GCC2: variants seen among roughly 807,000 people sequenced by gnomAD.
GCC2 encodes the protein GRIP and coiled-coil domain-containing protein 2.
A neutral mutation model predicts 210.6 loss-of-function variants in GCC2; 120 were observed. The ratio of observed to expected loss-of-function variants is 0.57; its 90% CI spans 0.49 to 0.66. The LOEUF (loss-of-function observed/expected upper bound fraction) is 0.66. GCC2 is among the 30% of genes least tolerant of loss of function. The pLI is 0.00. For synonymous variants in GCC2, 703 were observed against 652.7 expected, an observed-to-expected ratio of 1.08 and a Z score of -1.17; for missense variants, 1,868 against 1,871.9, an observed-to-expected ratio of 1.00 and a Z score of 0.04.
At chr2:108,484,386 G>A (rs1185444822) in intron 13 of GCC2, 75 bp downstream of exon 13, 2 of 811,080 alleles carry the variant, frequency 2.5e-6, no homozygotes, top group Non-Finnish European at 3.8e-6. Context: ...GGCATTACTT[G>A]TTTATTTCAC....
Position 108,449,875 on chromosome 2 carries a change from A to C in GCC2, c.63+186A>C. The C allele has an allele frequency of 7.9e-6, 4 of 508,676 alleles. No homozygotes were observed. The South Asian group carries it at 9.3e-5, about 12-fold the overall frequency. 31.5% of individuals were successfully genotyped at this position (508,676 alleles called of 1,614,324 possible). ...CTCCCCCGCCCACCCCGATATAGAAAGACTTTTTGTTTGCTTCCTGCTCCT... is the reference window on the plus strand; with the variant it reads ...CTCCCCCGCCCACCCCGATATAGAACGACTTTTTGTTTGCTTCCTGCTCCT... On this transcript the variant is annotated intron_variant, in intron 2 of 22. Transcript: ENST00000309863.
At chr2:108,506,721 A>G (rs1016391122) in intron 22 of GCC2, among the ~76,000 whole-genome samples, 1 of 151,848 alleles carries the variant, frequency 6.6e-6, no homozygotes, top group Non-Finnish European at 1.5e-5. Context: ...TTTTAAAAGA[A>G]TTTTTTTTTA....
chr2:108,466,263 G>C (rs2577608), intron 4 of GCC2, among the ~76,000 whole-genome samples: 29,455 of 151,844 alleles, frequency 0.19, 3,187 homozygotes, highest in African/African-American at 0.27. Flanking sequence ...ACACAGTCTT[G>C]ATCTCCTGAC....
chr2:108,471,067 A>G lies in GCC2; in HGVS notation c.1738A>G (p.Thr580Ala), dbSNP rs771216512. Residue 580 changes from threonine to alanine, a missense_variant, in exon 6 of 23, where the codon ACC (threonine) becomes GCC (alanine). Thr to Ala is a moderately conservative substitution (Grantham distance 58, BLOSUM62 0). This residue lies in a region of GCC2 where 1,847 missense variants were observed against 1,765.2 expected (regional missense o/e 1.05). Transcript: ENST00000309863. The part of the protein sequence containing the change: ...VYLLSLSQRD[T>A]MLKELEGKIN... ...CTTACTTAGTCTCAGTCAAAGAGAT[A>G]CCATGTTAAAAGAATTAGAAGGAAA... is the stretch of plus-strand genomic sequence containing the variant. 2 of 1,583,582 alleles carry G rather than the reference A, an allele frequency of 1.3e-6. No homozygotes were observed. The highest frequency in any genetic ancestry group is 1.7e-5 in the Admixed American group (1 of 58,566).
chr2:108,489,736 A>G (rs1682315247), intron 17 of GCC2, 102 bp from the exon 18 acceptor site: 2 of 642,716 alleles, frequency 3.1e-6, no homozygotes, highest in South Asian at 2.4e-5. Context: ...GAATCATCCA[A>G]GAGTATGGCA....
In GCC2 at chr2:108,469,014, A is replaced by C. The variant is rs1275288913; in HGVS notation, c.251A>C (p.Glu84Ala). 6.2e-7 allele frequency: 1 copy of C among 1,612,046 alleles called. No homozygotes were observed. Among genetic ancestry groups the C allele is most frequent in the Non-Finnish European group, 8.5e-7 (1 of 1,178,312 alleles). ...LTERLDALLLEKAETEQQCLS... is the reference protein window; with the variant it reads ...LTERLDALLLAKAETEQQCLS... ...GAACGTCTGGATGCTCTTCTTCTGG[A>C]AAAAGCAGAGACTGAGCAACAGTGT... Residue 84 changes from glutamate (E) to alanine (A), a missense_variant, in exon 5 of 23, where the codon GAA becomes GCA. Glu to Ala is a moderately radical substitution (Grantham distance 107, BLOSUM62 -1). This residue lies in a region of GCC2 where 1,847 missense variants were observed against 1,765.2 expected (regional missense o/e 1.05). Coordinates refer to ENST00000309863, the MANE Select transcript of GCC2 (RefSeq NM_181453.4).
At chr2:108,492,544 C>T in intron 18 of GCC2, 29 bp from the exon 19 acceptor site, 1 of 1,448,088 alleles carries the variant, frequency 6.9e-7, no homozygotes, top group Non-Finnish European at 9.7e-7. Flanking sequence ...GTTGAAAGAT[C>T]TTCTGTAACT....
chr2:108,482,991 T>G, intron 11 of GCC2, 71 bp from the exon 12 acceptor site: 2 of 823,084 alleles, frequency 2.4e-6, no homozygotes, highest in Non-Finnish European at 4.1e-6. Context: ...TCAGATTTAT[T>G]TTAAAGCCCC....
At chr2:108,504,138 A>T (rs1440971480) in intron 22 of GCC2, among the ~76,000 whole-genome samples, 1 of 152,200 alleles carries the variant, frequency 6.6e-6, no homozygotes, top group African/African-American at 2.4e-5. Flanking sequence ...AAAATTAAGA[A>T]ATAAAAATAA....
chr2:108,459,203 G>T (rs1295224282), intron 4 of GCC2, among the ~76,000 whole-genome samples: 3 of 152,084 alleles, frequency 2.0e-5, no homozygotes, highest in Non-Finnish European at 2.9e-5. Flanking sequence ...TTTGTTCCAA[G>T]AAATTTTTTG....
intron 17 of GCC2, among the ~76,000 whole-genome samples, chr2:108,488,531 CAG>C (rs1450133293): frequency 6.6e-6 from 1 of 152,144 alleles, no homozygotes; most frequent in Admixed American, 6.5e-5. Context: ...TTTAGCTAAA[CAG>C]AAGTTGCTTT....
intron 13 of GCC2, 121 bp from the exon 14 acceptor site, chr2:108,485,515 C>T (rs1682095300): frequency 3.5e-6 from 2 of 573,924 alleles, no homozygotes; most frequent in Admixed American, 3.4e-5. Flanking sequence ...TGAAGTATTC[C>T]ATAATAAAAA....
chr2:108,483,912 T>C (rs913000806), intron 12 of GCC2, among the ~76,000 whole-genome samples: 3 of 152,312 alleles, frequency 2.0e-5, no homozygotes, highest in Non-Finnish European at 4.4e-5. Context: ...TTAGTTATAA[T>C]GAAATAAAAT....
intron 21 of GCC2, among the ~76,000 whole-genome samples, chr2:108,498,104 C>T (rs1259260110): frequency 6.8e-6 from 1 of 147,482 alleles, no homozygotes. Flanking sequence ...CATTTTCTGA[C>T]TAATAAAAAC....
chr2:108,457,365 A>G (rs777796442), intron 4 of GCC2, among the ~76,000 whole-genome samples: 1 of 152,022 alleles, frequency 6.6e-6, no homozygotes, highest in African/African-American at 2.4e-5. Flanking sequence ...TTATATACCA[A>G]TACTTTGTTG....
rs1276386845 is a variant in GCC2 at position 108,456,777 on chromosome 2, C to G, written c.216+4311C>G. On this transcript the variant is annotated intron_variant, in intron 4 of 22. Coordinates refer to ENST00000309863, the MANE Select transcript of GCC2 (RefSeq NM_181453.4). ...ACCAGCCTGAGAAACATAGCAAGAT[C>G]CGTTTCTACAAAAAAATATAAATTA... Among the ~76,000 whole-genome samples, 3 of 151,868 alleles carry G rather than the reference C, an allele frequency of 2.0e-5. No homozygotes were observed. The East Asian group carries it at 5.8e-4, about 29-fold the overall frequency.
rs769865848 is a variant in GCC2 at position 108,449,235 on chromosome 2, TGGCGGCGGCTGGTTGCGGGCC to T, written c.-31_-11del. The T allele has an allele frequency of 4.5e-5, 69 of 1,545,338 alleles. No homozygotes were observed. Among genetic ancestry groups the T allele is most frequent in the Non-Finnish European group, 2.6e-6 (3 of 1,142,018 alleles). ...GCTGGCGCAAACAGAAGTGCAGCGG[TGGCGGCGGCTGGTTGCGGGCC>T]GGCGGCGGGCTGGCGGAGATGGAGG... On this transcript the variant is annotated 5_prime_UTR_variant, in exon 1 of 23. Transcript: ENST00000309863.
At chr2:108,494,264 C>G (rs968307075) in intron 19 of GCC2, 1 of 153,546 alleles carries the variant, frequency 6.5e-6, no homozygotes, top group African/African-American at 2.4e-5. Context: ...GTCCCAGCTA[C>G]TTGTGGGGCT....
At chr2:108,483,778 C>G (rs1320486781) in intron 12 of GCC2, among the ~76,000 whole-genome samples, 1 of 152,018 alleles carries the variant, frequency 6.6e-6, no homozygotes, top group African/African-American at 2.4e-5. Context: ...TTGTATTATA[C>G]TTAAAACTTT....
Sources: allele counts gnomAD v4.1 joint callset (sites outside exome capture counted in the v4.1 genomes callset), GRCh38; gene constraint gnomAD v4.1.1; regional missense constraint gnomAD v4.1.1; transcripts MANE v1.5; gene names NCBI Gene and HGNC (gene_info 2026-07-23, HGNC 2026-07-21).